The following HLA-DPB1 variants were observed in gnomAD, a reference collection of about 807,000 sequenced individuals.
HLA-DPB1 encodes HLA class II histocompatibility antigen, DP beta 1 chain.
HLA-DPB1 carries 30 observed loss-of-function variants against 29.4 expected under a neutral mutation model. That is an observed-to-expected ratio of 1.02 (90% CI 0.76 to 1.38). HLA-DPB1 has a LOEUF of 1.38. Ranked by LOEUF, HLA-DPB1 falls within the 40% of genes most tolerant of loss-of-function variation. The probability of loss-of-function intolerance (pLI) is 0.00; values close to 1 mark genes in which losing one functional copy is unlikely to be tolerated. For synonymous variants in HLA-DPB1, 114 were observed against 134.0 expected, an observed-to-expected ratio of 0.85 and a Z score of 1.03; for missense variants, 261 against 327.5, an observed-to-expected ratio of 0.80 and a Z score of 1.57.
At position 33,086,525 on chromosome 6, in the gene HLA-DPB1, T is replaced by C. The variant is rs9277518; in HGVS notation, c.*5-14T>C. ...GGCTGGCAACCTGGGATAACTTGTCTTTTACCCCCACAGGGTTCCTGAGCT... is the reference window on the plus strand; with the variant it reads ...GGCTGGCAACCTGGGATAACTTGTCCTTTACCCCCACAGGGTTCCTGAGCT... On this transcript the variant is annotated splice_polypyrimidine_tract_variant and intron_variant, in intron 5 of 5. Coordinates refer to ENST00000418931, the MANE Select transcript of HLA-DPB1 (RefSeq NM_002121.6). 0.24 allele frequency: 143,989 copies of C among 588,676 alleles called. 30,060 individuals are homozygous for C. The highest frequency in any genetic ancestry group is 0.55 in the African/African-American group (27,646 of 50,560). 36.5% of individuals were successfully genotyped at this position (588,676 alleles called of 1,614,324 possible). A position where few individuals can be genotyped will look rare whatever the true frequency, so the allele number is the denominator to read the frequency against.
At position 33,087,408 on chromosome 6, in the gene HLA-DPB1, CT is replaced by C. The variant is rs67703005; in HGVS notation, c.*885del. Among the ~76,000 whole-genome samples, 33 of 141,080 alleles carry C rather than the reference CT, an allele frequency of 2.3e-4. No individual in the cohort carries two copies. The highest frequency in any genetic ancestry group is 1.2e-3 in the Admixed American group (17 of 14,348). The allele number at this position is 141,080 out of a possible 152,430, so 92.6% of individuals were successfully genotyped here. On this transcript the variant is annotated 3_prime_UTR_variant, in exon 6 of 6. Coordinates refer to ENST00000418931, the MANE Select transcript of HLA-DPB1 (RefSeq NM_002121.6). ...GTAGCACTCTTTTTCAAACACTGGT[CT>C]TTTTTTTTTTCTTAACAATCCAACA...
At position 33,080,817 on chromosome 6, in the gene HLA-DPB1, G is replaced by C. The variant is rs1583117086; in HGVS notation, c.246G>C (p.Arg82=). The C allele has an allele frequency of 6.2e-7, 1 of 1,613,482 alleles. No individual in the cohort carries two copies. The highest frequency in any genetic ancestry group is 1.3e-5 in the African/African-American group (1 of 75,030). Residue 82 remains arginine (R), a synonymous_variant, in exon 2 of 6, where the codon CGG becomes CGC. Coordinates refer to ENST00000418931, the MANE Select transcript of HLA-DPB1 (RefSeq NM_002121.6). This position sits in a 1 kb window ranked among gnomAD's most constrained non-coding sequence, Gnocchi z 4.3. ...TCCGGGCGGTGACGGAGCTGGGGCG[G>C]CCTGCTGCGGAGTACTGGAACAGCC... is the stretch of plus-strand genomic sequence containing the variant. ...GEFRAVTELG[R]PAAEYWNSQK...
intron 3 of HLA-DPB1, 117 bp downstream of exon 3, chr6:33,085,348 C>A: frequency 3.4e-6 from 3 of 895,202 alleles, no homozygotes; most frequent in South Asian, 1.7e-5. Context: ...CAAACCCCAT[C>A]TTTCTTCTAT....
intron 1 of HLA-DPB1, among the ~76,000 whole-genome samples, chr6:33,079,144 T>C (rs746337428): frequency 1.3e-5 from 2 of 152,094 alleles, no homozygotes; most frequent in Non-Finnish European, 2.9e-5. Flanking sequence ...CTGCTAGGGG[T>C]GAGGTTAATA....
At chr6:33,085,733 A>T (rs374498141) in intron 3 of HLA-DPB1, 46 bp from the exon 4 acceptor site, 1 of 1,209,178 alleles carries the variant, frequency 8.3e-7, no homozygotes, top group East Asian at 2.3e-5. Flanking sequence ...ATGAGTAGGG[A>T]TGCAGCTGGT....
chr6:33,082,566 C>G (rs1762920137), intron 2 of HLA-DPB1, among the ~76,000 whole-genome samples: 1 of 152,114 alleles, frequency 6.6e-6, no homozygotes, highest in Non-Finnish European at 1.5e-5. Context: ...GGAGATGTGT[C>G]TTCAGAAGAC....
In HLA-DPB1 at chr6:33,080,829, G is replaced by C. The variant is rs1042133; in HGVS notation, c.258G>C (p.Glu86Asp). The change falls in exon 2 of 6, where the codon GAG becomes GAC. Residue 86 changes from glutamate (E) to aspartate (D), a missense_variant. Physicochemically the swap from Glu to Asp is conservative, Grantham distance 45. Transcript: ENST00000418931. The surrounding 1 kb of genome is among the most constrained non-coding windows in gnomAD (Gnocchi z 4.3). ...AVTELGRPAAEYWNSQKDILE... is the reference protein window; with the variant it reads ...AVTELGRPAADYWNSQKDILE... Reference sequence around the variant, plus strand: ...CGGAGCTGGGGCGGCCTGCTGCGGAGTACTGGAACAGCCAGAAGGACATCC... The same window carrying C: ...CGGAGCTGGGGCGGCCTGCTGCGGACTACTGGAACAGCCAGAAGGACATCC... 241,395 of 1,594,272 alleles carry C rather than the reference G, an allele frequency of 0.15. 17,462 individuals carry two copies. Among genetic ancestry groups the C allele is most frequent in the Middle Eastern group, 0.18 (1,073 of 6,030 alleles).
Position 33,087,359 on chromosome 6 carries a change from T to C in HLA-DPB1, c.*825T>C, listed in dbSNP as rs1306103204. Among the ~76,000 whole-genome samples, 1 of 151,920 alleles carries C rather than the reference T, an allele frequency of 6.6e-6. No individual in the cohort carries two copies. Among genetic ancestry groups the C allele is most frequent in the African/African-American group, 2.4e-5 (1 of 41,270 alleles). ...CATACAGACAGAAATGACTCCCCACTGGGGAAAGAGCAAAGCAATACATGT... is the reference window on the plus strand; with the variant it reads ...CATACAGACAGAAATGACTCCCCACCGGGGAAAGAGCAAAGCAATACATGT... On this transcript the variant is annotated 3_prime_UTR_variant, in exon 6 of 6. Transcript: ENST00000418931.
chr6:33,079,770 G>A (rs1396077065), intron 1 of HLA-DPB1: 4 of 490,202 alleles, frequency 8.2e-6, no homozygotes, highest in East Asian at 1.2e-4. Flanking sequence ...ATTTCCTCCA[G>A]AACTGCAAAG....
chr6:33,085,029 T>C lies in HLA-DPB1; in HGVS notation c.444T>C (p.Asp148=). 1 of 1,613,408 alleles carries C rather than the reference T, an allele frequency of 6.2e-7. No individual in the cohort carries two copies. The highest frequency in any genetic ancestry group is 1.7e-5 in the Admixed American group (1 of 60,022). ...ACCTGCTTGTCTGCCACGTGACGGA[T>C]TTCTACCCAGGCAGCATTCAAGTCC... The part of the protein sequence containing the change: ...HHNLLVCHVT[D]FYPGSIQVRW... Residue 148 remains aspartate (D), a synonymous_variant, in exon 3 of 6, where the codon GAT becomes GAC. Transcript: ENST00000418931.
chr6:33,078,405 A>G (rs1051471764), intron 1 of HLA-DPB1, among the ~76,000 whole-genome samples: 1 of 152,138 alleles, frequency 6.6e-6, no homozygotes, highest in African/African-American at 2.4e-5. Flanking sequence ...CACATCCCCA[A>G]CCTCAAACAG....
Position 33,089,449 on chromosome 6 carries a change from AG to A in HLA-DPB1, c.*2917del. The stretch of plus-strand genomic sequence containing the variant: ...GGAAGCTCTGCTCATCATCGTACTC[AG>A]GAAGTCAGGCTGACAGTCTTTCTCC... On this transcript the variant is annotated 3_prime_UTR_variant, in exon 6 of 6. Transcript: ENST00000418931. 2.6e-5 allele frequency among the ~76,000 whole-genome samples: 4 copies of A among 152,346 alleles called. No homozygotes were observed. The South Asian group carries it at 8.3e-4, about 32-fold the overall frequency.
chr6:33,088,860 A>G lies in HLA-DPB1; in HGVS notation c.*2326A>G, dbSNP rs1562164545. Among the ~76,000 whole-genome samples the G allele has an allele frequency of 6.6e-6, 1 of 152,136 alleles. No individual in the cohort carries two copies. Among genetic ancestry groups the G allele is most frequent in the Non-Finnish European group, 1.5e-5 (1 of 68,028 alleles). On this transcript the variant is annotated 3_prime_UTR_variant, in exon 6 of 6. Coordinates refer to ENST00000418931, the MANE Select transcript of HLA-DPB1 (RefSeq NM_002121.6). ...CTGACTCAGAAAAATTGATACCTGCAGAAGAAAAAACCCGGCGGGCTTAGG... is the reference window on the plus strand; with the variant it reads ...CTGACTCAGAAAAATTGATACCTGCGGAAGAAAAAACCCGGCGGGCTTAGG...
At chr6:33,077,036 A>G (rs1378677132) in intron 1 of HLA-DPB1, among the ~76,000 whole-genome samples, 1 of 151,158 alleles carries the variant, frequency 6.6e-6, no homozygotes. Flanking sequence ...CGTCATTTAC[A>G]TTAGGTATAT....
chr6:33,078,205 G>A (rs114227078), intron 1 of HLA-DPB1, among the ~76,000 whole-genome samples: 3,231 of 152,250 alleles, frequency 0.021, 44 homozygotes, highest in Middle Eastern at 0.075. Flanking sequence ...AGGCTGGGTT[G>A]AGGTTTGTAG....
chr6:33,082,711 G>C (rs1409361341), intron 2 of HLA-DPB1, among the ~76,000 whole-genome samples: 1 of 152,124 alleles, frequency 6.6e-6, no homozygotes, highest in Non-Finnish European at 1.5e-5. Flanking sequence ...GAGGTGGAAG[G>C]GGGAGGAAAG....
chr6:33,084,884 G>GGAAGGAAA, intron 2 of HLA-DPB1, 66 bp from the exon 3 acceptor site: 4 of 464,908 alleles, frequency 8.6e-6, no homozygotes, highest in Non-Finnish European at 8.8e-6. Flanking sequence ...AAGGAAGGAA[G>GGAAGGAAA]GAAGGAAGGA....
At position 33,080,809 on chromosome 6, in the gene HLA-DPB1, C is replaced by A; in HGVS notation, c.238C>A (p.Leu80Met). ...DVGEFRAVTE[L>M]GRPAAEYWNS... ...GGGGGAGTTCCGGGCGGTGACGGAG[C>A]TGGGGCGGCCTGCTGCGGAGTACTG... is the stretch of plus-strand genomic sequence containing the variant. Residue 80 changes from leucine (L) to methionine (M), a missense_variant, in exon 2 of 6, where the codon CTG (leucine) becomes ATG (methionine). Coordinates refer to ENST00000418931, the MANE Select transcript of HLA-DPB1 (RefSeq NM_002121.6). This position sits in a 1 kb window ranked among gnomAD's most constrained non-coding sequence, Gnocchi z 4.3. The A allele has an allele frequency of 6.2e-7, 1 of 1,613,524 alleles. No individual in the cohort carries two copies. The highest frequency in any genetic ancestry group is 1.3e-5 in the African/African-American group (1 of 75,020).
In HLA-DPB1 at chr6:33,085,963, T is replaced by A. The variant is rs9277476; in HGVS notation, c.757+74T>A. 0.065 allele frequency: 66,944 copies of A among 1,029,618 alleles called. 4,886 individuals are homozygous for A. Among genetic ancestry groups the A allele is most frequent in the African/African-American group, 0.33 (20,110 of 61,510 alleles). 63.8% of individuals were successfully genotyped at this position (1,029,618 alleles called of 1,614,324 possible). The stretch of plus-strand genomic sequence containing the variant: ...CACACTTATTCCACGATGAGGGGTT[T>A]GACAGAAAAGAAATGTCAGAAAGCT... On this transcript the variant is annotated intron_variant, in intron 4 of 5. Transcript: ENST00000418931.
Sources: gnomAD v4.1 joint callset for allele counts (sites outside exome capture counted in the v4.1 genomes callset) on GRCh38, gnomAD v4.1.1 for gene constraint, Gnocchi (gnomAD v3.1) non-coding constraint, MANE v1.5 for transcripts, NCBI Gene and HGNC (gene_info 2026-07-23, HGNC 2026-07-21) for gene names.